CHAT: variants seen among roughly 807,000 people sequenced by gnomAD.
The protein encoded by CHAT is acetyl CoA:choline O-acetyltransferase.
A neutral mutation model predicts 76.9 loss-of-function variants in CHAT; 61 were observed. That is an observed-to-expected ratio of 0.79 (90% CI 0.65 to 0.98). The LOEUF is 0.98. Ranked by LOEUF, CHAT falls within the 50% of genes least tolerant of loss-of-function variation. CHAT has a pLI of 0.00. For synonymous variants in CHAT, 407 were observed against 397.4 expected (o/e 1.02, Z -0.29); for missense variants, 946 against 986.9 (o/e 0.96, Z 0.56).
At chr10:49,618,050 C>T (rs1326145954) in intron 2 of CHAT, among the ~76,000 whole-genome samples, 1 of 152,206 alleles carries the variant, frequency 6.6e-6, no homozygotes, top group Non-Finnish European at 1.5e-5. Flanking sequence ...CATGGAAACT[C>T]ATCACTGCAC....
In CHAT at chr10:49,667,457, G is replaced by A. The variant is rs760409701; in HGVS notation, c.*2411G>A. Among the ~76,000 whole-genome samples the A allele has an allele frequency of 1.6e-3, 250 of 152,370 alleles. 3 individuals carry two copies. Among genetic ancestry groups the A allele is most frequent in the Non-Finnish European group, 2.6e-3 (178 of 68,038 alleles). ...TCAAACTATGCACTGTGAGGGCTAT[G>A]AGAAGCGCAAACAGTAAACGCTTGG... On this transcript the variant is annotated 3_prime_UTR_variant, in exon 15 of 15. Coordinates refer to ENST00000337653, the MANE Select transcript of CHAT (RefSeq NM_020549.5).
chr10:49,621,801 C>T (rs1376457894), intron 4 of CHAT, among the ~76,000 whole-genome samples: 1 of 152,110 alleles, frequency 6.6e-6, no homozygotes, highest in Non-Finnish European at 1.5e-5. Flanking sequence ...CCAGTTCTCA[C>T]CAAAGGACCA....
chr10:49,612,306 G>A (rs1263078763), upstream of CHAT: 3 of 1,607,692 alleles, frequency 1.9e-6, no homozygotes, highest in South Asian at 2.2e-5. Flanking sequence ...ATGCGTGCGA[G>A]GACGACTACA....
At chr10:49,624,413 A>T (rs1380809269) in intron 5 of CHAT, among the ~76,000 whole-genome samples, 3 of 152,202 alleles carry the variant, frequency 2.0e-5, no homozygotes, top group African/African-American at 7.2e-5. Context: ...TCATACTTTG[A>T]GTTGCAGTGC....
chr10:49,622,475 T>C (rs368612735), intron 5 of CHAT, among the ~76,000 whole-genome samples: 1 of 152,280 alleles, frequency 6.6e-6, no homozygotes, highest in African/African-American at 2.4e-5. Context: ...GGAAGAGTTG[T>C]TAGAGTAAGG....
At chr10:49,649,747 C>G (rs1046906650) in intron 10 of CHAT, 111 bp downstream of exon 10, 3 of 1,125,912 alleles carry the variant, frequency 2.7e-6, no homozygotes, top group South Asian at 1.3e-5. Context: ...TCCTCTGCCT[C>G]TCCTTGGGCT....
At chr10:49,635,789 C>A (rs191300599) in intron 7 of CHAT, among the ~76,000 whole-genome samples, 2 of 152,072 alleles carry the variant, frequency 1.3e-5, no homozygotes, top group Non-Finnish European at 2.9e-5. Flanking sequence ...CGACCTGATA[C>A]GGAACATCTA....
intron 11 of CHAT, among the ~76,000 whole-genome samples, chr10:49,652,596 G>T (rs1381531309): frequency 6.6e-6 from 1 of 152,184 alleles, no homozygotes; most frequent in Non-Finnish European, 1.5e-5. Flanking sequence ...CTTCCCTAGG[G>T]TCACTGCTTC....
chr10:49,622,078 G>A lies in CHAT; in HGVS notation c.699-19G>A. The stretch of plus-strand genomic sequence containing the variant: ...CCAGGCCCTGGGAGGAAGGGCTCAG[G>A]CCTCCCTTCTCCCTGCAGGTTTGCA... On this transcript the variant is annotated intron_variant, in intron 4 of 14. Transcript: ENST00000337653. The A allele has an allele frequency of 1.8e-6, 2 of 1,139,782 alleles. No individual in the cohort carries two copies. Among genetic ancestry groups the A allele is most frequent in the Non-Finnish European group, 2.2e-6 (2 of 916,664 alleles). 70.6% of individuals were successfully genotyped at this position (1,139,782 alleles called of 1,614,324 possible).
chr10:49,651,857 A>C, intron 10 of CHAT, 27 bp from the exon 11 acceptor site: 1 of 1,608,566 alleles, frequency 6.2e-7, no homozygotes, highest in Non-Finnish European at 8.5e-7. Flanking sequence ...GCATGCAATA[A>C]AAACATCTTT....
At chr10:49,621,434 G>C (rs4615945) in intron 4 of CHAT, among the ~76,000 whole-genome samples, 3 of 152,142 alleles carry the variant, frequency 2.0e-5, no homozygotes, top group East Asian at 3.9e-4. Flanking sequence ...TGCATCTGAG[G>C]GGGTATTTTC....
intron 11 of CHAT, among the ~76,000 whole-genome samples, chr10:49,652,921 C>T (rs1590617060): frequency 6.6e-6 from 1 of 152,092 alleles, no homozygotes; most frequent in South Asian, 2.1e-4. Context: ...AGCCTTTCCC[C>T]ACCCCCTTAT....
chr10:49,635,750 A>G (rs1348306048), intron 7 of CHAT, among the ~76,000 whole-genome samples: 2 of 152,216 alleles, frequency 1.3e-5, no homozygotes, highest in African/African-American at 4.8e-5. Flanking sequence ...AAAATCTCTT[A>G]GAGAACTAGG....
chr10:49,647,990 C>T (rs1839736171), intron 8 of CHAT: 3 of 194,500 alleles, frequency 1.5e-5, no homozygotes, highest in Admixed American at 1.1e-4. Context: ...GAGAACTGGT[C>T]TCAGGATAGC....
In CHAT at chr10:49,655,511, G is replaced by C. The variant is rs139855708; in HGVS notation, c.1839+63G>C. On this transcript the variant is annotated intron_variant, in intron 13 of 14. Transcript: ENST00000337653. Reference sequence around the variant, plus strand: ...AGCTGTGCCTGGGGCCTGCCAGAATGGGCACCACGGCATAAGACCCTGTGT... The same window carrying C: ...AGCTGTGCCTGGGGCCTGCCAGAATCGGCACCACGGCATAAGACCCTGTGT... 1.6e-5 allele frequency: 24 copies of C among 1,509,310 alleles called. No homozygotes were observed. In the East Asian group the frequency reaches 5.4e-4, roughly 34 times the overall value. The allele number at this position is 1,509,310 out of a possible 1,614,324, so 93.5% of individuals were successfully genotyped here.
chr10:49,615,476 C>T (rs1838455956), intron 1 of CHAT, among the ~76,000 whole-genome samples: 1 of 152,208 alleles, frequency 6.6e-6, no homozygotes, highest in Admixed American at 6.5e-5. Context: ...TCTTTCTGGA[C>T]TCTCTGTTCC....
chr10:49,649,450 G>C, intron 9 of CHAT, 58 bp from the exon 10 acceptor site: 1 of 1,612,552 alleles, frequency 6.2e-7, no homozygotes, highest in East Asian at 2.2e-5. Flanking sequence ...GCAAAGAAGA[G>C]ATGCCTCCCA....
At chr10:49,657,525 A>G (rs10857523) in intron 13 of CHAT, among the ~76,000 whole-genome samples, 61,333 of 151,924 alleles carry the variant, frequency 0.4, 12,938 homozygotes, top group East Asian at 0.69. Flanking sequence ...CCCCCTCCCC[A>G]GTGGTGGGCT....
At chr10:49,625,714 G>T in intron 6 of CHAT, 61 bp downstream of exon 6, 1 of 1,484,740 alleles carries the variant, frequency 6.7e-7, no homozygotes, top group Non-Finnish European at 9.2e-7. Flanking sequence ...ATGCGTTCAC[G>T]TCCATTACCT....
Sources: gnomAD v4.1 joint callset for allele counts (sites outside exome capture counted in the v4.1 genomes callset) on GRCh38, gnomAD v4.1.1 for gene constraint, MANE v1.5 for transcripts, NCBI Gene and HGNC (gene_info 2026-07-23, HGNC 2026-07-21) for gene names.